The following RABGAP1L variants were observed in gnomAD, a reference collection of about 807,000 sequenced individuals.
The protein encoded by RABGAP1L is RAB GTPase activating protein 1 like.
Under a neutral mutation model 137.7 loss-of-function variants are expected in RABGAP1L, and 63 were observed. That is an observed-to-expected ratio of 0.46 (90% CI 0.37 to 0.56). The LOEUF (loss-of-function observed/expected upper bound fraction) is 0.56, where lower values mean the gene tolerates loss of function less well. Among genes scored for constraint, RABGAP1L ranks in the 20% least tolerant of loss-of-function variants. The pLI is 0.00. For synonymous variants in RABGAP1L, 431 were observed against 433.7 expected (o/e 0.99, Z 0.08); for missense variants, 1,095 against 1,244.0 (o/e 0.88, Z 1.80).
intron 12 of RABGAP1L, among the ~76,000 whole-genome samples, chr1:174,372,022 A>G (rs1459580665): frequency 1.3e-5 from 2 of 152,214 alleles, no homozygotes; most frequent in Admixed American, 6.5e-5. Context: ...TGGGCCTGTT[A>G]TTGTTTTTAA....
At chr1:174,925,977 C>T (rs1449197218) in intron 19 of RABGAP1L, among the ~76,000 whole-genome samples, 1 of 148,296 alleles carries the variant, frequency 6.7e-6, no homozygotes, top group African/African-American at 2.5e-5. Flanking sequence ...GATTCTCATG[C>T]CTCAGCCTCC....
chr1:174,429,065 G>A (rs1652291467), intron 13 of RABGAP1L, among the ~76,000 whole-genome samples: 1 of 152,044 alleles, frequency 6.6e-6, no homozygotes, highest in South Asian at 2.1e-4. Flanking sequence ...TTCAGTGCTT[G>A]CAATTCCTTT....
intron 13 of RABGAP1L, among the ~76,000 whole-genome samples, chr1:174,518,794 C>T (rs1327794641): frequency 6.6e-6 from 1 of 152,162 alleles, no homozygotes; most frequent in Non-Finnish European, 1.5e-5. Flanking sequence ...CAGTAGCCTT[C>T]TTCACTTCCG....
At chr1:174,623,021 A>G (rs1361372773) in intron 13 of RABGAP1L, among the ~76,000 whole-genome samples, 12 of 152,310 alleles carry the variant, frequency 7.9e-5, no homozygotes, top group Non-Finnish European at 1.5e-4. Flanking sequence ...TTCACTTAAT[A>G]TTCTTCCTTG....
At chr1:174,421,772 T>C (rs547147044) in intron 13 of RABGAP1L, among the ~76,000 whole-genome samples, 13 of 152,166 alleles carry the variant, frequency 8.5e-5, no homozygotes, top group Non-Finnish European at 1.9e-4. Flanking sequence ...GTTTGTTTTG[T>C]GTGTTTTTGT....
chr1:174,613,786 G>T (rs2148225598), intron 13 of RABGAP1L, among the ~76,000 whole-genome samples: 1 of 152,314 alleles, frequency 6.6e-6, no homozygotes, highest in East Asian at 1.9e-4. Context: ...TCTTCCTGTT[G>T]AATTGATCCC....
chr1:174,268,880 C>G (rs554696372), intron 7 of RABGAP1L, among the ~76,000 whole-genome samples: 13 of 152,092 alleles, frequency 8.5e-5, no homozygotes, highest in African/African-American at 3.1e-4. Context: ...TTATAATTAT[C>G]AACTGTTTTA....
intron 15 of RABGAP1L, among the ~76,000 whole-genome samples, chr1:174,690,170 G>A (rs75325220): frequency 0.013 from 1,910 of 152,242 alleles, 14 homozygotes; most frequent in Non-Finnish European, 0.02. Context: ...ATACTGAAAA[G>A]TACAACTGTG....
chr1:174,431,126 A>G (rs1412769867), intron 13 of RABGAP1L, among the ~76,000 whole-genome samples: 4 of 152,270 alleles, frequency 2.6e-5, no homozygotes, highest in African/African-American at 9.6e-5. Context: ...TGAACCCATT[A>G]TTTAAAATGG....
At chr1:174,458,932 C>T (rs1344292583) in intron 13 of RABGAP1L, among the ~76,000 whole-genome samples, 2 of 152,038 alleles carry the variant, frequency 1.3e-5, no homozygotes, top group East Asian at 3.8e-4. Context: ...GAAGATATAG[C>T]TGTATAAGAG....
At chr1:174,972,100 A>C (rs1331439944) in intron 21 of RABGAP1L, among the ~76,000 whole-genome samples, 1 of 152,210 alleles carries the variant, frequency 6.6e-6, no homozygotes, top group Non-Finnish European at 1.5e-5. Flanking sequence ...AGTGAAAAAA[A>C]GGTGCAACAT....
intron 17 of RABGAP1L, among the ~76,000 whole-genome samples, chr1:174,716,373 C>A (rs555747931): frequency 6.6e-6 from 1 of 152,146 alleles, no homozygotes; most frequent in Non-Finnish European, 1.5e-5. Flanking sequence ...CCTTGAAATC[C>A]TGGGCTCAGG....
At chr1:174,850,693 A>T (rs141480560) in intron 19 of RABGAP1L, among the ~76,000 whole-genome samples, 3 of 152,336 alleles carry the variant, frequency 2.0e-5, no homozygotes, top group African/African-American at 7.2e-5. Flanking sequence ...ATGATGCTCT[A>T]TTACTGATTC....
chr1:174,538,529 C>T (rs765184111), intron 13 of RABGAP1L, among the ~76,000 whole-genome samples: 6 of 152,066 alleles, frequency 3.9e-5, no homozygotes, highest in African/African-American at 1.2e-4. Context: ...AATCTAGGGA[C>T]GTTTGTATAC....
chr1:174,196,423 G>A (rs75079326), intron 1 of RABGAP1L, among the ~76,000 whole-genome samples: 3 of 151,538 alleles, frequency 2.0e-5, no homozygotes, highest in African/African-American at 4.8e-5. Flanking sequence ...ACGGGGTTTC[G>A]CTGTGTTAGC....
At chr1:174,455,312 A>G in intron 13 of RABGAP1L, among the ~76,000 whole-genome samples, 1 of 152,196 alleles carries the variant, frequency 6.6e-6, no homozygotes, top group East Asian at 1.9e-4. Context: ...AATACCTATC[A>G]TTGACTTAAA....
chr1:174,628,624 A>G (rs1053625075), intron 13 of RABGAP1L, among the ~76,000 whole-genome samples: 2 of 152,212 alleles, frequency 1.3e-5, no homozygotes, highest in African/African-American at 4.8e-5. Context: ...CTGAGATCCT[A>G]TAGGAATTAA....
At chr1:174,710,698 T>C (rs1572883982) in intron 17 of RABGAP1L, among the ~76,000 whole-genome samples, 1 of 152,138 alleles carries the variant, frequency 6.6e-6, no homozygotes, top group African/African-American at 2.4e-5. Flanking sequence ...GAAAGACCAG[T>C]ACCAGCCACT....
intron 19 of RABGAP1L, among the ~76,000 whole-genome samples, chr1:174,896,572 T>G (rs372740701): frequency 5.9e-5 from 9 of 152,138 alleles, no homozygotes; most frequent in African/African-American, 1.2e-4. Flanking sequence ...TATGGTTTTA[T>G]GTCTAACATT....
Sources: allele counts gnomAD v4.1 joint callset (sites outside exome capture counted in the v4.1 genomes callset), GRCh38; gene constraint gnomAD v4.1.1; transcripts MANE v1.5; gene names NCBI Gene and HGNC (gene_info 2026-07-23, HGNC 2026-07-21).